Variants in ANGPT1 observed in about 807,000 individuals in gnomAD.
ANGPT1 encodes the protein angiopoietin-1.
ANGPT1 carries 17 observed loss-of-function variants against 62.2 expected under a neutral mutation model. That is an observed-to-expected ratio of 0.27 (90% CI 0.19 to 0.41). ANGPT1 has a LOEUF of 0.41. Among genes scored for constraint, ANGPT1 ranks in the 10% least tolerant of loss-of-function variants. The pLI is 1.00. For missense variants in ANGPT1, 478 were observed against 594.9 expected, an observed-to-expected ratio of 0.80 and a Z score of 2.04; for synonymous variants, 199 against 198.9, an observed-to-expected ratio of 1.00 and a Z score of 0.00.
rs766925675 is a variant in ANGPT1, at chr8:107,336,188, T to C, written c.537A>G (p.Gln179=). ...STYKLEKQLL[Q]QTNEILKIHE... Reference sequence around the variant, plus strand: ...GGATCTTCAAGATTTCATTTGTCTGTTGAAGAAGTTGCTTCTCTAGCTTGT... The same window carrying C: ...GGATCTTCAAGATTTCATTTGTCTGCTGAAGAAGTTGCTTCTCTAGCTTGT... The change falls in exon 3 of 9, where the codon CAA becomes CAG. Residue 179 remains glutamine, a synonymous_variant. Coordinates refer to ENST00000517746, the MANE Select transcript of ANGPT1 (RefSeq NM_001146.5). 1.2e-5 allele frequency: 20 copies of C among 1,607,678 alleles called. No homozygotes were observed. The highest frequency in any genetic ancestry group is 6.9e-5 in the Admixed American group (4 of 58,134).
At chr8:107,479,433 A>G (rs1252174830) in intron 1 of ANGPT1, among the ~76,000 whole-genome samples, 1 of 152,166 alleles carries the variant, frequency 6.6e-6, no homozygotes, top group Non-Finnish European at 1.5e-5. Context: ...CATATATTTA[A>G]AGAATGTTCC....
chr8:107,372,246 T>C (rs1469824898), intron 1 of ANGPT1, among the ~76,000 whole-genome samples: 1 of 152,108 alleles, frequency 6.6e-6, no homozygotes, highest in East Asian at 1.9e-4. Context: ...CAAGTAAAAC[T>C]GTCTTCAAAT....
rs199903651 is a variant in ANGPT1 at position 107,380,883 on chromosome 8, A to AG, written c.298-33787dup. ...CACTCTCTTACCTGTGTTTGTTTATAGGGGTTTTGTTTGCCTGTGTGTGCT... is the reference window on the plus strand; with the variant it reads ...CACTCTCTTACCTGTGTTTGTTTATAGGGGGTTTTGTTTGCCTGTGTGTGCT... On this transcript the variant is annotated intron_variant, in intron 1 of 8. Transcript: ENST00000517746. Among the ~76,000 whole-genome samples the AG allele has an allele frequency of 6.1e-3, 928 of 152,258 alleles. 9 individuals are homozygous for AG. The highest frequency in any genetic ancestry group is 0.02 in the African/African-American group (831 of 41,556).
chr8:107,497,255 CACTT>C lies in ANGPT1; in HGVS notation c.297+3_297+6del, dbSNP rs776050797. On this transcript the variant is annotated splice_donor_5th_base_variant and intron_variant, in intron 1 of 8. Transcript: ENST00000517746. ...CGTGCTATTAGAAACTGAAAGCAATCACTTACTTTTTGCAGCCACTGAGTATAAT... is the reference window on the plus strand; with the variant it reads ...CGTGCTATTAGAAACTGAAAGCAATCACTTTTTGCAGCCACTGAGTATAAT... 6.2e-7 allele frequency: 1 copy of C among 1,612,454 alleles called. No individual in the cohort carries two copies.
At chr8:107,496,784 C>G (rs1173803007) in intron 1 of ANGPT1, among the ~76,000 whole-genome samples, 1 of 152,064 alleles carries the variant, frequency 6.6e-6, no homozygotes, top group Non-Finnish European at 1.5e-5. Context: ...TATATTTACT[C>G]TCACTTCATG....
In ANGPT1 at chr8:107,450,072, C is replaced by G. The variant is rs1001540698; in HGVS notation, c.297+47190G>C. On this transcript the variant is annotated intron_variant, in intron 1 of 8. Coordinates refer to ENST00000517746, the MANE Select transcript of ANGPT1 (RefSeq NM_001146.5). ...TTTGATTAAGGGCACAAAATTAACA[C>G]AGTATGGCAAAAGCATTCTACCTGA... Among the ~76,000 whole-genome samples the G allele has an allele frequency of 2.6e-5, 4 of 152,104 alleles. No homozygotes were observed. The South Asian group carries it at 8.3e-4, about 32-fold the overall frequency.
chr8:107,345,058 G>A (rs1395811868), intron 2 of ANGPT1, among the ~76,000 whole-genome samples: 5 of 152,102 alleles, frequency 3.3e-5, no homozygotes, highest in Non-Finnish European at 2.9e-5. Flanking sequence ...ACATGAAAAT[G>A]AAAGTGAAAA....
chr8:107,294,862 T>C (rs1814372973), intron 5 of ANGPT1: 2 of 152,124 alleles, frequency 1.3e-5, no homozygotes, highest in South Asian at 2.1e-4. Flanking sequence ...ATCACTGTAA[T>C]TGATGTAGCA....
chr8:107,478,983 G>A (rs556309665), intron 1 of ANGPT1, among the ~76,000 whole-genome samples: 117 of 152,162 alleles, frequency 7.7e-4, no homozygotes, highest in African/African-American at 2.3e-3. Context: ...TTTTTAAAAC[G>A]TGATTTTAAC....
intron 3 of ANGPT1, among the ~76,000 whole-genome samples, chr8:107,335,038 G>C (rs1392834329): frequency 6.6e-6 from 1 of 152,178 alleles, no homozygotes; most frequent in Non-Finnish European, 1.5e-5. Context: ...TGTAATTGTT[G>C]CATTATGCTC....
At chr8:107,288,430 A>T (rs1285721456) in intron 6 of ANGPT1, among the ~76,000 whole-genome samples, 5 of 152,122 alleles carry the variant, frequency 3.3e-5, no homozygotes, top group Non-Finnish European at 5.9e-5. Context: ...AAGGTATTAT[A>T]CCATGCTAAT....
At chr8:107,334,239 A>C (rs986760711) in intron 3 of ANGPT1, among the ~76,000 whole-genome samples, 2 of 152,166 alleles carry the variant, frequency 1.3e-5, no homozygotes, top group African/African-American at 4.8e-5. Context: ...AAACTAAAGA[A>C]TGTAAATTCA....
intron 8 of ANGPT1, among the ~76,000 whole-genome samples, chr8:107,257,876 G>T (rs116843639): frequency 0.18 from 14,725 of 82,422 alleles, 2,974 homozygotes; most frequent in Middle Eastern, 0.27. Context: ...ACTTGTTTTT[G>T]TTTCTTTTTT....
At chr8:107,451,722 G>A (rs1190340073) in intron 1 of ANGPT1, among the ~76,000 whole-genome samples, 2 of 151,836 alleles carry the variant, frequency 1.3e-5, no homozygotes. Context: ...CCATTGTGGA[G>A]GTCATCTTAC....
At chr8:107,431,507 C>A (rs1417080474) in intron 1 of ANGPT1, among the ~76,000 whole-genome samples, 3 of 152,186 alleles carry the variant, frequency 2.0e-5, no homozygotes, top group African/African-American at 7.2e-5. Flanking sequence ...CATTACATGT[C>A]CTGCCAGGTC....
At chr8:107,463,742 C>A (rs939850730) in intron 1 of ANGPT1, among the ~76,000 whole-genome samples, 1 of 151,884 alleles carries the variant, frequency 6.6e-6, no homozygotes, top group Non-Finnish European at 1.5e-5. Flanking sequence ...ATTTAGGGTA[C>A]TCATATATAA....
intron 1 of ANGPT1, among the ~76,000 whole-genome samples, chr8:107,396,804 T>G (rs2130318118): frequency 6.6e-6 from 1 of 152,222 alleles, no homozygotes; most frequent in South Asian, 2.1e-4. Flanking sequence ...ATTATAGGTG[T>G]GAGCCACTGC....
chr8:107,334,420 C>T (rs11774043), intron 3 of ANGPT1, among the ~76,000 whole-genome samples: 18,645 of 152,028 alleles, frequency 0.12, 1,473 homozygotes, highest in East Asian at 0.34. Context: ...GACTTCCAGA[C>T]TGTGTGTAAG....
intron 5 of ANGPT1, chr8:107,295,683 G>C (rs1814395691): frequency 6.6e-6 from 1 of 152,048 alleles, no homozygotes; most frequent in Admixed American, 6.6e-5. Context: ...ATACCTCAAA[G>C]GCTAGCAAAG....
Sources: allele counts gnomAD v4.1 joint callset (sites outside exome capture counted in the v4.1 genomes callset), GRCh38; gene constraint gnomAD v4.1.1; transcripts MANE v1.5; gene names NCBI Gene and HGNC (gene_info 2026-07-23, HGNC 2026-07-21).